PRKN: variants seen among roughly 807,000 people sequenced by gnomAD.
PRKN encodes the protein parkin RBR E3 ubiquitin protein ligase.
PRKN carries 56 observed loss-of-function variants against 59.5 expected under a neutral mutation model. That is an observed-to-expected ratio of 0.94 (90% CI 0.76 to 1.18). The LOEUF (loss-of-function observed/expected upper bound fraction) is 1.18, where lower values mean the gene tolerates loss of function less well. Among genes scored for constraint, PRKN ranks in the 50% most tolerant of loss-of-function variants. The pLI, the probability that PRKN is intolerant of heterozygous loss-of-function variation, is 0.00. For missense variants in PRKN, 657 were observed against 596.4 expected (o/e 1.10, Z -1.06); for synonymous variants, 250 against 222.1 (o/e 1.13, Z -1.12).
intron 2 of PRKN, among the ~76,000 whole-genome samples, chr6:162,350,388 T>C (rs910189799): frequency 3.9e-5 from 6 of 152,170 alleles, no homozygotes; most frequent in African/African-American, 1.2e-4. Context: ...ACAAATGACC[T>C]GGAATATCTA....
chr6:162,271,120 A>G (rs1780368176), intron 2 of PRKN, among the ~76,000 whole-genome samples: 1 of 142,620 alleles, frequency 7.0e-6, no homozygotes, highest in Non-Finnish European at 1.5e-5. Context: ...CCTGCCTTGG[A>G]CTCCCAAACA....
At chr6:162,597,671 G>C (rs1477067531) in intron 1 of PRKN, among the ~76,000 whole-genome samples, 1 of 152,082 alleles carries the variant, frequency 6.6e-6, no homozygotes, top group Non-Finnish European at 1.5e-5. Context: ...ACTCCCAACA[G>C]ACATAGATTG....
chr6:161,892,233 G>T (rs1465173952), intron 6 of PRKN, among the ~76,000 whole-genome samples: 1 of 151,952 alleles, frequency 6.6e-6, no homozygotes. Flanking sequence ...CCAGAAGTTA[G>T]AGGTCAGTCT....
intron 11 of PRKN, among the ~76,000 whole-genome samples, chr6:161,358,016 CA>C (rs1197151183): frequency 3.9e-5 from 6 of 152,188 alleles, no homozygotes; most frequent in African/African-American, 1.4e-4. Context: ...CGATTTATCA[CA>C]AAATAAACCA....
intron 7 of PRKN, among the ~76,000 whole-genome samples, chr6:161,685,332 G>GC (rs1785514572): frequency 6.6e-6 from 1 of 152,122 alleles, no homozygotes. Flanking sequence ...GAGACCCATC[G>GC]CATGATTTCT....
chr6:162,112,569 A>T (rs1780485782), intron 4 of PRKN, among the ~76,000 whole-genome samples: 1 of 152,082 alleles, frequency 6.6e-6, no homozygotes, highest in Admixed American at 6.6e-5. Flanking sequence ...GCACTCCCCA[A>T]CCTGAATTGT....
chr6:161,687,385 T>A (rs1448942069), intron 7 of PRKN, among the ~76,000 whole-genome samples: 2 of 17,796 alleles, frequency 1.1e-4, no homozygotes, highest in African/African-American at 4.7e-4. Context: ...AGAGACTCCA[T>A]CTCAAAAAAA....
intron 7 of PRKN, among the ~76,000 whole-genome samples, chr6:161,641,954 AG>A (rs1783760054): frequency 6.6e-6 from 1 of 152,212 alleles, no homozygotes; most frequent in South Asian, 2.1e-4. Context: ...GCTAGTGTAA[AG>A]AGTTTACATA....
At chr6:162,668,842 T>C (rs1779208817) in intron 1 of PRKN, among the ~76,000 whole-genome samples, 1 of 152,122 alleles carries the variant, frequency 6.6e-6, no homozygotes, top group African/African-American at 2.4e-5. Flanking sequence ...TTCTTTCCTA[T>C]ATTTAATGGC....
intron 4 of PRKN, among the ~76,000 whole-genome samples, chr6:162,139,596 C>T (rs1193962572): frequency 6.6e-6 from 1 of 152,114 alleles, no homozygotes; most frequent in Non-Finnish European, 1.5e-5. Flanking sequence ...CATGTATGGG[C>T]CATGGTGGTC....
At chr6:162,236,631 C>CAA (rs59445175) in intron 3 of PRKN, among the ~76,000 whole-genome samples, 52 of 146,898 alleles carry the variant, frequency 3.5e-4, no homozygotes, top group African/African-American at 1.3e-3. Flanking sequence ...ACTAAAAATA[C>CAA]AAAAAAAAAA....
chr6:161,810,860 G>A (rs1388238914), intron 6 of PRKN, among the ~76,000 whole-genome samples: 1 of 152,136 alleles, frequency 6.6e-6, no homozygotes, highest in Non-Finnish European at 1.5e-5. Context: ...TACAGCCAAG[G>A]TGGTGTCTAG....
intron 6 of PRKN, among the ~76,000 whole-genome samples, chr6:161,967,330 G>T (rs1469118992): frequency 6.6e-6 from 1 of 152,180 alleles, no homozygotes; most frequent in Admixed American, 6.6e-5. Flanking sequence ...TCAACAGACA[G>T]AACTAAATAC....
chr6:162,653,485 C>T (rs1778525845), intron 1 of PRKN, among the ~76,000 whole-genome samples: 1 of 152,022 alleles, frequency 6.6e-6, no homozygotes. Flanking sequence ...GAAAATTTCT[C>T]TGGAATTAGC....
chr6:162,160,837 G>A (rs1389627673), intron 4 of PRKN, among the ~76,000 whole-genome samples: 1 of 128,820 alleles, frequency 7.8e-6, no homozygotes, highest in Non-Finnish European at 1.6e-5. Flanking sequence ...CTTGCAGTGA[G>A]CCTAGATCGC....
At chr6:161,733,804 A>ATATATACG (rs1787844748) in intron 7 of PRKN, among the ~76,000 whole-genome samples, 3 of 129,038 alleles carry the variant, frequency 2.3e-5, no homozygotes, top group African/African-American at 1.2e-4. Flanking sequence ...ATATGTATAT[A>ATATATACG]TATATATATA....
At chr6:162,450,752 G>C (rs1790587485) in intron 1 of PRKN, among the ~76,000 whole-genome samples, 1 of 152,204 alleles carries the variant, frequency 6.6e-6, no homozygotes, top group South Asian at 2.1e-4. Flanking sequence ...GAAACTGTTA[G>C]AGTCTAAGGG....
intron 7 of PRKN, among the ~76,000 whole-genome samples, chr6:161,652,659 A>C (rs1211168496): frequency 1.3e-5 from 2 of 152,246 alleles, no homozygotes; most frequent in African/African-American, 2.4e-5. Flanking sequence ...GAAATAACTT[A>C]TGTATGTAGA....
intron 2 of PRKN, among the ~76,000 whole-genome samples, chr6:162,324,420 G>A (rs1783174188): frequency 6.6e-6 from 1 of 152,112 alleles, no homozygotes; most frequent in South Asian, 2.1e-4. Flanking sequence ...GATACATGCA[G>A]TTTATTGTAT....
Sources: gnomAD v4.1 joint callset for allele counts (sites outside exome capture counted in the v4.1 genomes callset) on GRCh38, gnomAD v4.1.1 for gene constraint, MANE v1.5 for transcripts, NCBI Gene and HGNC (gene_info 2026-07-23, HGNC 2026-07-21) for gene names.